DIS3L2: variants seen among roughly 807,000 people sequenced by gnomAD.
DIS3L2 encodes the protein DIS3 like 3'-5' exoribonuclease 2.
In DIS3L2, 34 loss-of-function variants were observed where a neutral mutation model predicts 97.5. That is an observed-to-expected ratio of 0.35 (90% confidence interval 0.27 to 0.46). DIS3L2 has a LOEUF of 0.46. Among genes scored for constraint, DIS3L2 ranks in the 20% least tolerant of loss-of-function variants. The pLI is 1.00. For synonymous variants in DIS3L2, 435 were observed against 445.2 expected, an observed-to-expected ratio of 0.98 and a Z score of 0.29; for missense variants, 1,038 against 1,146.0, an observed-to-expected ratio of 0.91 and a Z score of 1.36.
intron 16 of DIS3L2, 130 bp from the exon 17 acceptor site, chr2:232,333,710 T>A: frequency 7.3e-7 from 1 of 1,370,652 alleles, no homozygotes; most frequent in East Asian, 2.5e-5. Context: ...CTGGCGTCAC[T>A]CAGCAACCAG....
At chr2:232,110,432 T>A (rs567124336) in intron 6 of DIS3L2, among the ~76,000 whole-genome samples, 3 of 152,160 alleles carry the variant, frequency 2.0e-5, no homozygotes, top group African/African-American at 7.2e-5. Context: ...AGCAAAGATA[T>A]GGAATCAACC....
At chr2:232,035,663 G>A (rs1694932412) in intron 5 of DIS3L2, among the ~76,000 whole-genome samples, 1 of 152,048 alleles carries the variant, frequency 6.6e-6, no homozygotes, top group South Asian at 2.1e-4. Context: ...CATATTTAGT[G>A]CTTCCTTCAG....
intron 5 of DIS3L2, among the ~76,000 whole-genome samples, chr2:232,079,448 T>C (rs749924534): frequency 1.3e-5 from 2 of 151,314 alleles, no homozygotes; most frequent in African/African-American, 4.9e-5. Context: ...TATAAAAAAT[T>C]AGCTGGGCGT....
At chr2:232,093,705 T>G (rs898092069) in intron 6 of DIS3L2, among the ~76,000 whole-genome samples, 1 of 152,212 alleles carries the variant, frequency 6.6e-6, no homozygotes, top group African/African-American at 2.4e-5. Context: ...AATGATCTTT[T>G]GAGTTTCTGC....
At position 232,183,558 on chromosome 2, in the gene DIS3L2, C is replaced by G. The variant is rs1336407209; in HGVS notation, c.1124+19926C>G. 2.0e-5 allele frequency among the ~76,000 whole-genome samples: 3 copies of G among 152,154 alleles called. No individual in the cohort carries two copies. In the East Asian group the frequency reaches 5.8e-4, roughly 29 times the overall value. ...AAGTCTTTCTTGGGCATGTGCACAG[C>G]CCTATGCATGAGTGTGACCATCTTT... On this transcript the variant is annotated intron_variant, in intron 9 of 20. Transcript: ENST00000325385.
At chr2:231,976,849 G>T (rs1476144062) in intron 1 of DIS3L2, among the ~76,000 whole-genome samples, 1 of 149,948 alleles carries the variant, frequency 6.7e-6, no homozygotes, top group Non-Finnish European at 1.5e-5. Flanking sequence ...CTCACTGCAG[G>T]CTCCGCCTCC....
At position 232,029,970 on chromosome 2, in the gene DIS3L2, C is replaced by T. The variant is rs779373123; in HGVS notation, c.265-9C>T. The T allele has an allele frequency of 1.3e-6, 2 of 1,572,038 alleles. No homozygotes were observed. The highest frequency in any genetic ancestry group is 2.4e-5 in the South Asian group (2 of 82,998). Reference sequence around the variant, plus strand: ...GCTCACTATTGTTTTATTTCTTTTTCCAACCTAGGATGGTGATCGAGACAT... The same window carrying T: ...GCTCACTATTGTTTTATTTCTTTTTTCAACCTAGGATGGTGATCGAGACAT... On this transcript the variant is annotated splice_polypyrimidine_tract_variant and intron_variant, in intron 4 of 20. Coordinates refer to ENST00000325385, the MANE Select transcript of DIS3L2 (RefSeq NM_152383.5).
chr2:232,273,882 T>C (rs948007201), intron 13 of DIS3L2, among the ~76,000 whole-genome samples: 1 of 152,154 alleles, frequency 6.6e-6, no homozygotes, highest in Non-Finnish European at 1.5e-5. Flanking sequence ...CCTAGACCCA[T>C]GATGGGGATG....
intron 9 of DIS3L2, among the ~76,000 whole-genome samples, chr2:232,209,790 C>T (rs545069357): frequency 2.0e-5 from 3 of 152,256 alleles, no homozygotes; most frequent in Non-Finnish European, 4.4e-5. Flanking sequence ...TAAATGGGCA[C>T]ATGGTGTACT....
intron 12 of DIS3L2, among the ~76,000 whole-genome samples, chr2:232,250,309 A>C (rs972537163): frequency 6.6e-6 from 1 of 151,832 alleles, no homozygotes; most frequent in Non-Finnish European, 1.5e-5. Context: ...ATTCCCTCCC[A>C]AAACCTCACT....
At chr2:232,164,143 A>G (rs1417019428) in intron 9 of DIS3L2, among the ~76,000 whole-genome samples, 1 of 152,176 alleles carries the variant, frequency 6.6e-6, no homozygotes, top group East Asian at 1.9e-4. Flanking sequence ...TCTCATTGCC[A>G]TAGATCTGGT....
At chr2:232,116,139 TC>T (rs1254323794) in intron 6 of DIS3L2, among the ~76,000 whole-genome samples, 2 of 151,920 alleles carry the variant, frequency 1.3e-5, no homozygotes, top group South Asian at 2.1e-4. Context: ...ACCATTGCAC[TC>T]CAGCCTGGGC....
intron 13 of DIS3L2, among the ~76,000 whole-genome samples, chr2:232,273,034 C>T (rs1469613585): frequency 6.6e-5 from 10 of 152,070 alleles, no homozygotes; most frequent in Non-Finnish European, 1.3e-4. Context: ...ACTCCTCCAC[C>T]TTCACCCTGT....
intron 13 of DIS3L2, among the ~76,000 whole-genome samples, chr2:232,272,963 T>C (rs1648379486): frequency 6.6e-6 from 1 of 152,138 alleles, no homozygotes; most frequent in African/African-American, 2.4e-5. Context: ...CTTCTGGTTC[T>C]TTCTGCTTGC....
chr2:232,308,376 C>A (rs767806909), intron 14 of DIS3L2, among the ~76,000 whole-genome samples: 1 of 152,112 alleles, frequency 6.6e-6, no homozygotes, highest in Non-Finnish European at 1.5e-5. Context: ...TCAGAGCCTC[C>A]TTGACACTCA....
intron 10 of DIS3L2, among the ~76,000 whole-genome samples, chr2:232,226,383 G>A (rs1692649114): frequency 6.6e-6 from 1 of 152,146 alleles, no homozygotes; most frequent in Non-Finnish European, 1.5e-5. Context: ...CTGACATTGG[G>A]CAAATCATTT....
At chr2:232,155,146 C>A (rs1690450922) in intron 8 of DIS3L2, among the ~76,000 whole-genome samples, 1 of 151,434 alleles carries the variant, frequency 6.6e-6, no homozygotes, top group Non-Finnish European at 1.5e-5. Context: ...GATGGAAATG[C>A]AGAAATCACC....
At chr2:232,034,052 C>A (rs977660160) in intron 5 of DIS3L2, among the ~76,000 whole-genome samples, 5 of 152,228 alleles carry the variant, frequency 3.3e-5, no homozygotes, top group Admixed American at 6.5e-5. Flanking sequence ...GATACCAGCT[C>A]CTCTTTGTAC....
At chr2:232,148,983 A>G (rs985289202) in intron 8 of DIS3L2, among the ~76,000 whole-genome samples, 4 of 147,354 alleles carry the variant, frequency 2.7e-5, no homozygotes, top group Non-Finnish European at 4.5e-5. Flanking sequence ...TTAAAATAAA[A>G]CTTCTCCCCA....
Sources: allele counts gnomAD v4.1 joint callset (sites outside exome capture counted in the v4.1 genomes callset), GRCh38; gene constraint gnomAD v4.1.1; transcripts MANE v1.5; gene names NCBI Gene and HGNC (gene_info 2026-07-23, HGNC 2026-07-21).